Variants in MAST4 observed in about 807,000 individuals in gnomAD.
The protein encoded by MAST4 is microtubule associated serine/threonine kinase family member 4.
MAST4 carries 89 observed loss-of-function variants against 162.7 expected under a neutral mutation model. The ratio of observed to expected loss-of-function variants is 0.55; its 90% confidence interval spans 0.46 to 0.65. The LOEUF is 0.65. MAST4 is among the 30% of genes least tolerant of loss of function. The pLI is 0.00. For missense variants in MAST4, 3,153 were observed against 3,374.0 expected (o/e 0.93, Z 1.62); for synonymous variants, 1,479 against 1,361.1 (o/e 1.09, Z -1.91).
At chr5:66,698,738 A>G (rs919895450) in intron 1 of MAST4, among the ~76,000 whole-genome samples, 10 of 152,008 alleles carry the variant, frequency 6.6e-5, no homozygotes, top group African/African-American at 2.2e-4. Flanking sequence ...TTGCTTCCCC[A>G]TCTCATAAAT....
chr5:67,084,724 A>T (rs1763055492), intron 5 of MAST4, among the ~76,000 whole-genome samples: 1 of 152,174 alleles, frequency 6.6e-6, no homozygotes, highest in Admixed American at 6.5e-5. Context: ...CAGGAGACAG[A>T]ATGATTAAAA....
intron 3 of MAST4, among the ~76,000 whole-genome samples, chr5:66,852,570 T>C (rs1057309989): frequency 1.8e-4 from 28 of 152,198 alleles, no homozygotes; most frequent in African/African-American, 6.5e-4. Flanking sequence ...ATTTGTACCA[T>C]GGTCTGGCCC....
In MAST4 at chr5:66,603,523, C is replaced by G. The variant is rs573289400; in HGVS notation, c.363+6505C>G. Among the ~76,000 whole-genome samples, 3 of 152,220 alleles carry G rather than the reference C, an allele frequency of 2.0e-5. No individual in the cohort carries two copies. The South Asian group carries it at 6.2e-4, about 32-fold the overall frequency. ...ATCAGGTGATTATCTGGAAGTCAACCTTGGTTCATATAAGCATGAAAGATG... is the reference window on the plus strand; with the variant it reads ...ATCAGGTGATTATCTGGAAGTCAACGTTGGTTCATATAAGCATGAAAGATG... On this transcript the variant is annotated intron_variant, in intron 1 of 28. Transcript: ENST00000403625.
chr5:67,030,798 AAGCCT>A (rs1214414105), intron 4 of MAST4, among the ~76,000 whole-genome samples: 5 of 152,134 alleles, frequency 3.3e-5, no homozygotes, highest in Admixed American at 1.3e-4. Flanking sequence ...TACTTTTATA[AAGCCT>A]TGGGTATCTC....
chr5:67,136,711 T>A (rs1326214007), intron 19 of MAST4, 47 bp downstream of exon 19: 2 of 1,410,748 alleles, frequency 1.4e-6, no homozygotes, highest in South Asian at 2.5e-5. Flanking sequence ...AGAAATAATG[T>A]CTACATGGAG....
chr5:67,010,006 AG>A (rs1752489360), intron 4 of MAST4, among the ~76,000 whole-genome samples: 1 of 152,200 alleles, frequency 6.6e-6, no homozygotes, highest in African/African-American at 2.4e-5. Flanking sequence ...AACCAGGAAG[AG>A]GGAGGAACCA....
intron 3 of MAST4, among the ~76,000 whole-genome samples, chr5:66,796,939 G>C (rs1755681316): frequency 1.3e-5 from 2 of 152,184 alleles, no homozygotes; most frequent in African/African-American, 4.8e-5. Context: ...TCTTAATTCT[G>C]TTTCTGTCAT....
At chr5:67,108,779 T>C (rs1469054663) in intron 10 of MAST4, among the ~76,000 whole-genome samples, 1 of 152,184 alleles carries the variant, frequency 6.6e-6, no homozygotes, top group Non-Finnish European at 1.5e-5. Context: ...AATCATTTTT[T>C]ATAAATTTGA....
chr5:66,986,276 G>T (rs969753025), intron 4 of MAST4, among the ~76,000 whole-genome samples: 3 of 152,112 alleles, frequency 2.0e-5, no homozygotes, highest in African/African-American at 7.2e-5. Flanking sequence ...AGGAAGAAGT[G>T]TTAAGTGCAG....
intron 27 of MAST4, 80 bp from the exon 28 acceptor site, chr5:67,162,527 G>C (rs1339770759): frequency 2.3e-6 from 3 of 1,328,636 alleles, no homozygotes; most frequent in Non-Finnish European, 3.2e-6. Context: ...CGGAGTTATT[G>C]AGCTGAGCAC....
intron 4 of MAST4, chr5:67,001,686 G>A (rs1751316437): frequency 6.6e-6 from 1 of 152,044 alleles, no homozygotes; most frequent in Admixed American, 6.6e-5. Flanking sequence ...CCAATACATG[G>A]GCTTTTCTAG....
At chr5:66,776,964 C>A (rs534949306) in intron 2 of MAST4, among the ~76,000 whole-genome samples, 2 of 152,148 alleles carry the variant, frequency 1.3e-5, no homozygotes, top group Non-Finnish European at 2.9e-5. Flanking sequence ...GTGCCAGAAT[C>A]GGTAAAAGCA....
chr5:66,756,579 A>C (rs60237782), intron 1 of MAST4, among the ~76,000 whole-genome samples: 4,732 of 152,346 alleles, frequency 0.031, 167 homozygotes, highest in African/African-American at 0.089. Context: ...ACGAAGTCCA[A>C]AGTGACATGT....
chr5:66,689,546 C>G (rs755226533), intron 1 of MAST4, among the ~76,000 whole-genome samples: 1 of 152,102 alleles, frequency 6.6e-6, no homozygotes, highest in African/African-American at 2.4e-5. Flanking sequence ...CTCTGTCTTC[C>G]CTGTTAAACT....
chr5:66,719,100 T>C (rs1399628291), intron 1 of MAST4, among the ~76,000 whole-genome samples: 1 of 152,186 alleles, frequency 6.6e-6, no homozygotes, highest in African/African-American at 2.4e-5. Context: ...GAACTGCATA[T>C]GTTTGGGAAT....
Position 67,144,788 on chromosome 5 carries a change from T to C in MAST4, c.2850T>C (p.Tyr950=), listed in dbSNP as rs1770863665. 6.2e-7 allele frequency: 1 copy of C among 1,605,774 alleles called. No individual in the cohort carries two copies. Among genetic ancestry groups the C allele is most frequent in the Non-Finnish European group, 8.5e-7 (1 of 1,175,386 alleles). ...AAACACTGAGCTGGAGTTCAGAATA[T>C]TCTGAAATGTATGTGAAATGCCTCT... ...STETLSWSSE[Y]SEMQQLSTSN... The change falls in exon 22 of 29, where the codon TAT becomes TAC. Residue 950 remains tyrosine (Y), a synonymous_variant. Coordinates refer to ENST00000403625, the MANE Select transcript of MAST4 (RefSeq NM_001164664.2).
rs115300109 is a variant in MAST4 at position 66,872,638 on chromosome 5, G to A, written c.643-27313G>A. ...CTCAGTAGCATCGAGGTGAAGTCCC[G>A]GGAGTTCTGTTGGTACATGAAGGAA... On this transcript the variant is annotated intron_variant, in intron 3 of 28. Coordinates refer to ENST00000403625, the MANE Select transcript of MAST4 (RefSeq NM_001164664.2). Among the ~76,000 whole-genome samples the A allele has an allele frequency of 1.2e-3, 176 of 152,216 alleles. 2 individuals are homozygous for A. The highest frequency in any genetic ancestry group is 3.7e-3 in the African/African-American group (154 of 41,540).
intron 4 of MAST4, among the ~76,000 whole-genome samples, chr5:66,910,864 C>T (rs1189930919): frequency 6.6e-6 from 1 of 151,276 alleles, no homozygotes; most frequent in Non-Finnish European, 1.5e-5. Context: ...TCTCCTGCCT[C>T]AGCCTCCCAA....
At chr5:66,660,491 A>G (rs1333514829) in intron 1 of MAST4, among the ~76,000 whole-genome samples, 3 of 152,206 alleles carry the variant, frequency 2.0e-5, no homozygotes, top group African/African-American at 7.2e-5. Context: ...GGGATATGGG[A>G]TTATAAAAGT....
Sources: allele counts gnomAD v4.1 joint callset (sites outside exome capture counted in the v4.1 genomes callset), GRCh38; gene constraint gnomAD v4.1.1; transcripts MANE v1.5; gene names NCBI Gene and HGNC (gene_info 2026-07-23, HGNC 2026-07-21).